HNF1B: variants seen among roughly 807,000 people sequenced by gnomAD.
The protein encoded by HNF1B is HNF1 homeobox B, also known as hepatocyte nuclear factor 1-beta.
In HNF1B, 8 loss-of-function variants were observed where a neutral mutation model predicts 61.7. The ratio of observed to expected loss-of-function variants is 0.13; its 90% confidence interval spans 0.08 to 0.23. The LOEUF is 0.23. Ranked by LOEUF, HNF1B falls within the 10% of genes least tolerant of loss-of-function variation. The probability of loss-of-function intolerance (pLI) is 1.00; values close to 1 mark genes in which losing one functional copy is unlikely to be tolerated. For synonymous variants in HNF1B, 314 were observed against 287.7 expected (o/e 1.09, Z -0.93); for missense variants, 562 against 714.5 (o/e 0.79, Z 2.43).
intron 4 of HNF1B, chr17:37,720,682 C>T (rs2033283378): frequency 3.6e-6 from 2 of 550,488 alleles, no homozygotes; most frequent in Non-Finnish European, 4.6e-6. Context: ...GGAGTGTCTA[C>T]CATGTGCCAG....
chr17:37,696,637 C>T (rs141852187), intron 8 of HNF1B, among the ~76,000 whole-genome samples: 1 of 152,326 alleles, frequency 6.6e-6, no homozygotes, highest in Non-Finnish European at 1.5e-5. Flanking sequence ...GCCTTTGAAC[C>T]TCTTTTACCC....
chr17:37,720,263 C>T (rs1043708381), intron 4 of HNF1B, among the ~76,000 whole-genome samples: 3 of 152,080 alleles, frequency 2.0e-5, no homozygotes, highest in African/African-American at 7.2e-5. Context: ...CCTAGGGATC[C>T]TGGTAAGAGA....
In HNF1B at chr17:37,731,600, A is replaced by C. The variant is rs1004050889; in HGVS notation, c.1040T>G (p.Leu347Arg). ...GAGGCCCAACCTTTGCTTACCTGAC[A>C]GCTTGTTTGGAGGAGAGGAGCTGGG... ...HQPSSSPPNK[L>R]SGVRYSQQGN... The change falls in exon 4 of 9, where the codon CTG becomes CGG. Residue 347 changes from leucine (L) to arginine (R), a missense_variant. By Grantham distance (102) the Leu-to-Arg change is moderately radical. Coordinates refer to ENST00000617811, the MANE Select transcript of HNF1B (RefSeq NM_000458.4). The C allele has an allele frequency of 5.0e-6, 8 of 1,611,860 alleles. No individual in the cohort carries two copies. The highest frequency in any genetic ancestry group is 6.8e-6 in the Non-Finnish European group (8 of 1,178,944).
chr17:37,700,883 A>G (rs2032543585), intron 7 of HNF1B, 100 bp downstream of exon 7: 1 of 1,123,826 alleles, frequency 8.9e-7, no homozygotes. Flanking sequence ...AAAAGTGACC[A>G]AGCCAATAAA....
At chr17:37,742,334 C>G (rs1568673239) in intron 1 of HNF1B, among the ~76,000 whole-genome samples, 1 of 152,224 alleles carries the variant, frequency 6.6e-6, no homozygotes, top group Non-Finnish European at 1.5e-5. Flanking sequence ...CCGGGAAGCG[C>G]GCAGTCCCGA....
intron 2 of HNF1B, 76 bp from the exon 3 acceptor site, chr17:37,733,897 A>G (rs187079560): frequency 1.3e-6 from 2 of 1,488,568 alleles, no homozygotes; most frequent in Non-Finnish European, 1.9e-6. Context: ...CAGACAGACA[A>G]CGGACGAAGA....
At chr17:37,701,831 A>G (rs2032581906) in intron 6 of HNF1B, among the ~76,000 whole-genome samples, 1 of 152,222 alleles carries the variant, frequency 6.6e-6, no homozygotes, top group Admixed American at 6.5e-5. Flanking sequence ...TTGTGGCACT[A>G]AAAGGACCAG....
At chr17:37,728,646 G>A (rs1054455750) in intron 4 of HNF1B, 3 of 139,222 alleles carry the variant, frequency 2.2e-5, no homozygotes, top group South Asian at 4.6e-4. Flanking sequence ...ACACAGTTAC[G>A]TTTCTGGCTT....
chr17:37,728,135 G>A (rs1040348594), intron 4 of HNF1B, among the ~76,000 whole-genome samples: 4 of 152,038 alleles, frequency 2.6e-5, no homozygotes, highest in Non-Finnish European at 5.9e-5. Flanking sequence ...CGGAGTCGCT[G>A]GGATTACAGG....
intron 4 of HNF1B, among the ~76,000 whole-genome samples, chr17:37,712,264 G>C (rs971255205): frequency 5.3e-5 from 8 of 152,174 alleles, no homozygotes; most frequent in African/African-American, 1.7e-4. Flanking sequence ...GCTGGCATTG[G>C]TGTATTGGTT....
chr17:37,739,850 G>A (rs1040085594), intron 1 of HNF1B, among the ~76,000 whole-genome samples: 7 of 152,132 alleles, frequency 4.6e-5, no homozygotes, highest in African/African-American at 9.7e-5. Flanking sequence ...CCTTTCTTCT[G>A]AGGTTAGTGG....
At chr17:37,703,097 G>C (rs1274009749) in intron 6 of HNF1B, among the ~76,000 whole-genome samples, 1 of 152,214 alleles carries the variant, frequency 6.6e-6, no homozygotes, top group East Asian at 1.9e-4. Flanking sequence ...AGGGCCCATG[G>C]TACTCAACAC....
chr17:37,705,595 T>G (rs2032719820), intron 5 of HNF1B, among the ~76,000 whole-genome samples: 1 of 152,232 alleles, frequency 6.6e-6, no homozygotes, highest in African/African-American at 2.4e-5. Context: ...AATGACAGAT[T>G]AGTATGAGAA....
chr17:37,710,851 T>C (rs898749297), intron 4 of HNF1B, among the ~76,000 whole-genome samples, 188 bp from the exon 5 acceptor site: 9 of 152,258 alleles, frequency 5.9e-5, no homozygotes, highest in Admixed American at 4.6e-4. Context: ...TATTTAATTC[T>C]AGAATGTAAG....
chr17:37,733,442 C>G (rs2033744909), intron 3 of HNF1B, 115 bp downstream of exon 3: 1 of 1,220,850 alleles, frequency 8.2e-7, no homozygotes, highest in African/African-American at 1.5e-5. Context: ...TTGAGAAGCT[C>G]TGATTTAGCC....
At chr17:37,715,569 C>T (rs1224062053) in intron 4 of HNF1B, among the ~76,000 whole-genome samples, 2 of 152,320 alleles carry the variant, frequency 1.3e-5, no homozygotes, top group African/African-American at 4.8e-5. Context: ...CCTGTGTGTA[C>T]ATATGCGCAC....
At chr17:37,711,019 T>C (rs1258603698) in intron 4 of HNF1B, among the ~76,000 whole-genome samples, 2 of 152,244 alleles carry the variant, frequency 1.3e-5, no homozygotes, top group African/African-American at 4.8e-5. Context: ...TTTGAGGATT[T>C]GGGGGTTGAG....
chr17:37,736,733 C>A (rs2033844424), intron 2 of HNF1B, among the ~76,000 whole-genome samples: 1 of 152,226 alleles, frequency 6.6e-6, no homozygotes, highest in Non-Finnish European at 1.5e-5. Context: ...AGTCTCTCAC[C>A]TGCCCTTTGA....
At chr17:37,721,009 T>A (rs1185728983) in intron 4 of HNF1B, 18 of 932,166 alleles carry the variant, frequency 1.9e-5, no homozygotes, top group Non-Finnish European at 2.3e-5. Context: ...TAGGAGATGT[T>A]GTTTAAGGGT....
Sources: gnomAD v4.1 joint callset for allele counts (sites outside exome capture counted in the v4.1 genomes callset) on GRCh38, gnomAD v4.1.1 for gene constraint, MANE v1.5 for transcripts, NCBI Gene and HGNC (gene_info 2026-07-23, HGNC 2026-07-21) for gene names.